GALM: variants seen among roughly 807,000 people sequenced by gnomAD.
GALM encodes the protein aldose 1-epimerase.
In GALM, 43 loss-of-function variants were observed where a neutral mutation model predicts 37.4. That is an observed-to-expected ratio of 1.15 (90% CI 0.90 to 1.48). The LOEUF (loss-of-function observed/expected upper bound fraction) is 1.48, where lower values mean the gene tolerates loss of function less well. GALM is among the 40% of genes most tolerant of loss of function. The probability of loss-of-function intolerance (pLI) is 0.00; values close to 1 mark genes in which losing one functional copy is unlikely to be tolerated. For missense variants in GALM, 456 were observed against 419.1 expected, an observed-to-expected ratio of 1.09 and a Z score of -0.77; for synonymous variants, 199 against 170.6, an observed-to-expected ratio of 1.17 and a Z score of -1.30.
intron 1 of GALM, among the ~76,000 whole-genome samples, chr2:38,667,460 G>A (rs1558574120): frequency 6.6e-6 from 1 of 152,062 alleles, no homozygotes; most frequent in Non-Finnish European, 1.5e-5. Context: ...ATCCCAGCTA[G>A]TCAGGAGGCT....
chr2:38,717,404 C>A (rs373134638), intron 4 of GALM, among the ~76,000 whole-genome samples: 3 of 150,280 alleles, frequency 2.0e-5, no homozygotes, highest in East Asian at 2.0e-4. Context: ...AATATTAGTT[C>A]CATTTTTCTT....
chr2:38,728,185 G>A (rs1666524907), intron 4 of GALM, among the ~76,000 whole-genome samples: 2 of 152,164 alleles, frequency 1.3e-5, no homozygotes, highest in South Asian at 4.1e-4. Context: ...CCTGAGGTCA[G>A]GAGTTGGAGA....
chr2:38,733,087 G>A (rs1478120532), intron 6 of GALM, among the ~76,000 whole-genome samples: 1 of 151,744 alleles, frequency 6.6e-6, no homozygotes, highest in Non-Finnish European at 1.5e-5. Flanking sequence ...TGGGCATGGT[G>A]GCAGGTGCCT....
At chr2:38,700,242 G>T (rs1378470797) in intron 4 of GALM, among the ~76,000 whole-genome samples, 1 of 152,036 alleles carries the variant, frequency 6.6e-6, no homozygotes, top group Non-Finnish European at 1.5e-5. Flanking sequence ...GTGAACCACC[G>T]CGCTCAGCCT....
At chr2:38,686,035 G>A (rs532003061) in intron 3 of GALM, among the ~76,000 whole-genome samples, 7 of 151,788 alleles carry the variant, frequency 4.6e-5, no homozygotes, top group Non-Finnish European at 7.4e-5. Flanking sequence ...TCTCTTTAAC[G>A]AAGGAATGTT....
intron 4 of GALM, among the ~76,000 whole-genome samples, chr2:38,717,173 C>G (rs1050565524): frequency 6.6e-6 from 1 of 151,852 alleles, no homozygotes; most frequent in Admixed American, 6.6e-5. Context: ...TCGTTTGAAC[C>G]TGGGAGGCCG....
At chr2:38,690,263 G>T (rs1665642094) in intron 4 of GALM, among the ~76,000 whole-genome samples, 1 of 152,028 alleles carries the variant, frequency 6.6e-6, no homozygotes, top group African/African-American at 2.4e-5. Flanking sequence ...CTTGAGGCCA[G>T]GAGTTTGAGA....
chr2:38,713,368 T>G (rs190147583), intron 4 of GALM, among the ~76,000 whole-genome samples: 103 of 152,194 alleles, frequency 6.8e-4, no homozygotes, highest in Non-Finnish European at 6.2e-4. Flanking sequence ...CTAGAAAGAT[T>G]TGGAGAAGGC....
At chr2:38,710,875 T>A (rs1666137944) in intron 4 of GALM, among the ~76,000 whole-genome samples, 1 of 150,802 alleles carries the variant, frequency 6.6e-6, no homozygotes, top group African/African-American at 2.4e-5. Context: ...TGCCTCAGCC[T>A]CCCGAGTAGC....
intron 1 of GALM, chr2:38,668,654 G>A (rs1665015490): frequency 6.6e-6 from 1 of 152,046 alleles, no homozygotes; most frequent in Admixed American, 6.6e-5. Flanking sequence ...AGACTTGACA[G>A]AGGCCGGCAT....
intron 4 of GALM, among the ~76,000 whole-genome samples, chr2:38,698,001 T>C (rs1379056325): frequency 1.3e-5 from 2 of 151,716 alleles, no homozygotes; most frequent in African/African-American, 4.8e-5. Flanking sequence ...GGAAGTACAG[T>C]GGTGCAGTCT....
intron 4 of GALM, among the ~76,000 whole-genome samples, chr2:38,694,101 G>C (rs1252564823): frequency 6.6e-6 from 1 of 152,124 alleles, no homozygotes; most frequent in Non-Finnish European, 1.5e-5. Context: ...ACAATTGCTT[G>C]AGCCCAGGAG....
intron 1 of GALM, chr2:38,668,949 A>G (rs970410587): frequency 1.3e-5 from 2 of 152,160 alleles, no homozygotes; most frequent in African/African-American, 2.4e-5. Flanking sequence ...AGAGTTAGAT[A>G]TGAACAATCT....
chr2:38,693,340 G>C (rs10194503), intron 4 of GALM, among the ~76,000 whole-genome samples: 14,413 of 152,082 alleles, frequency 0.095, 738 homozygotes, highest in Middle Eastern at 0.12. Context: ...AAAATTAGCT[G>C]GGTGTGATGG....
chr2:38,727,003 G>A (rs752647802), intron 4 of GALM, among the ~76,000 whole-genome samples: 5 of 151,936 alleles, frequency 3.3e-5, no homozygotes, highest in African/African-American at 7.3e-5. Flanking sequence ...GTCACTTGAG[G>A]TCAGAAGTTT....
At chr2:38,721,672 C>A (rs1666378401) in intron 4 of GALM, among the ~76,000 whole-genome samples, 1 of 152,134 alleles carries the variant, frequency 6.6e-6, no homozygotes, top group South Asian at 2.1e-4. Flanking sequence ...CACCATACCA[C>A]ACCTGGCTAA....
intron 4 of GALM, among the ~76,000 whole-genome samples, chr2:38,715,835 G>T (rs1257782660): frequency 6.6e-6 from 1 of 152,184 alleles, no homozygotes; most frequent in Admixed American, 6.6e-5. Flanking sequence ...GCTGAGTAGG[G>T]TGCTGGGCAC....
intron 4 of GALM, among the ~76,000 whole-genome samples, chr2:38,723,221 C>T (rs917940859): frequency 4.6e-5 from 7 of 152,214 alleles, no homozygotes; most frequent in African/African-American, 1.7e-4. Flanking sequence ...GGGTCATTGT[C>T]ATACCCAACT....
At chr2:38,686,394 T>C (rs1397770677) in intron 3 of GALM, among the ~76,000 whole-genome samples, 2 of 151,472 alleles carry the variant, frequency 1.3e-5, no homozygotes, top group East Asian at 3.9e-4. Flanking sequence ...GCCTCCCGAG[T>C]AGCTGGGACT....
Sources: allele counts gnomAD v4.1 joint callset (sites outside exome capture counted in the v4.1 genomes callset), GRCh38; gene constraint gnomAD v4.1.1; transcripts MANE v1.5; gene names NCBI Gene and HGNC (gene_info 2026-07-23, HGNC 2026-07-21).